NAALADL2: variants seen among roughly 807,000 people sequenced by gnomAD.
NAALADL2 encodes the protein inactive N-acetylated-alpha-linked acidic dipeptidase-like protein 2.
In NAALADL2, 76 loss-of-function variants were observed where a neutral mutation model predicts 87.2. That is an observed-to-expected ratio of 0.87 (90% CI 0.72 to 1.05). The LOEUF is 1.05. NAALADL2 is among the 50% of genes least tolerant of loss of function. NAALADL2 has a pLI of 0.00. For missense variants in NAALADL2, 1,089 were observed against 945.8 expected, an observed-to-expected ratio of 1.15 and a Z score of -1.99; for synonymous variants, 354 against 331.0, an observed-to-expected ratio of 1.07 and a Z score of -0.75.
At chr3:175,292,418 GT>G (rs769960835) in intron 4 of NAALADL2, among the ~76,000 whole-genome samples, 4 of 152,140 alleles carry the variant, frequency 2.6e-5, no homozygotes, top group Non-Finnish European at 5.9e-5. Context: ...AACTTGGTAT[GT>G]TTGTGTAGAA....
rs546018531 is a variant in NAALADL2, at chr3:174,757,961, G to T, written c.-9+20215G>T. On this transcript the variant is annotated intron_variant, in intron 3 of 3. Coordinates refer to the NAALADL2 transcript ENST00000434257. ...TACAGGAATAGTGAGTAAAATAGTTGATTTTAACTTTTGTTTTCCAGAAAT... is the reference window on the plus strand; with the variant it reads ...TACAGGAATAGTGAGTAAAATAGTTTATTTTAACTTTTGTTTTCCAGAAAT... Among the ~76,000 whole-genome samples the T allele has an allele frequency of 7.2e-5, 11 of 152,302 alleles. No homozygotes were observed. In the South Asian group the frequency reaches 2.1e-3, roughly 29 times the overall value.
chr3:175,204,751 A>G (rs190440113), intron 2 of NAALADL2, among the ~76,000 whole-genome samples: 47 of 152,284 alleles, frequency 3.1e-4, no homozygotes, highest in Non-Finnish European at 6.2e-4. Flanking sequence ...CAAATTTTCC[A>G]AATACAAGAT....
intron 12 of NAALADL2, 118 bp from the exon 13 acceptor site, chr3:175,755,101 AT>A (rs953723818): frequency 1.3e-6 from 1 of 775,960 alleles, no homozygotes. Flanking sequence ...GTCAATGACA[AT>A]TTCCTCTTCC....
At chr3:174,804,959 C>A (rs1042000001) in intron 3 of NAALADL2, among the ~76,000 whole-genome samples, 2 of 152,070 alleles carry the variant, frequency 1.3e-5, no homozygotes, top group African/African-American at 4.8e-5. Context: ...GCCATTTTGG[C>A]AAGTAGTTCA....
chr3:174,709,162 A>C (rs772268911), intron 2 of NAALADL2, among the ~76,000 whole-genome samples: 4 of 152,160 alleles, frequency 2.6e-5, no homozygotes, highest in Non-Finnish European at 4.4e-5. Flanking sequence ...CAGTGTGAAG[A>C]ACAAGGAATA....
intron 6 of NAALADL2, chr3:175,460,158 C>G (rs951851393): frequency 2.2e-6 from 1 of 456,464 alleles, no homozygotes; most frequent in Admixed American, 2.3e-5. Context: ...TTCAAATTAG[C>G]AATGCCAACA....
chr3:175,128,578 G>C (rs1248167425), intron 2 of NAALADL2, among the ~76,000 whole-genome samples: 1 of 152,012 alleles, frequency 6.6e-6, no homozygotes, highest in Non-Finnish European at 1.5e-5. Context: ...CTGCTGTATT[G>C]TTTCAGTTCA....
In NAALADL2 at chr3:175,700,749, C is replaced by A. The variant is rs1195379494; in HGVS notation, c.1897-36557C>A. ...TAAAGTCTGTTTTTCATCATCCTTT[C>A]TAAACTTACCCTGGTTTGTATTTTT... On this transcript the variant is annotated intron_variant, in intron 11 of 13. Transcript: ENST00000454872. 5.9e-5 allele frequency among the ~76,000 whole-genome samples: 9 copies of A among 152,070 alleles called. No individual in the cohort carries two copies. The East Asian group carries it at 1.5e-3, about 26-fold the overall frequency.
chr3:175,256,085 T>C (rs1749885419), intron 3 of NAALADL2, among the ~76,000 whole-genome samples: 2 of 152,214 alleles, frequency 1.3e-5, no homozygotes, highest in South Asian at 4.1e-4. Flanking sequence ...TTCAATGTTT[T>C]GTAAAATGGC....
intron 1 of NAALADL2, among the ~76,000 whole-genome samples, chr3:175,040,461 A>C (rs1753932962): frequency 6.6e-6 from 1 of 152,168 alleles, no homozygotes; most frequent in South Asian, 2.1e-4. Context: ...TGTGGTAGAA[A>C]ACTTACGGGG....
At chr3:174,927,847 A>G (rs1258389615) in intron 1 of NAALADL2, among the ~76,000 whole-genome samples, 2 of 152,210 alleles carry the variant, frequency 1.3e-5, no homozygotes, top group African/African-American at 4.8e-5. Flanking sequence ...AAGGCAGGAA[A>G]TAACTAAGAT....
At chr3:175,793,619 G>A (rs563126301) in intron 13 of NAALADL2, among the ~76,000 whole-genome samples, 1 of 151,828 alleles carries the variant, frequency 6.6e-6, no homozygotes, top group Non-Finnish European at 1.5e-5. Context: ...CTGGCCCAAA[G>A]CAGCATTTTC....
At chr3:175,628,765 T>C (rs1727357245) in intron 11 of NAALADL2, among the ~76,000 whole-genome samples, 1 of 150,458 alleles carries the variant, frequency 6.6e-6, no homozygotes, top group Admixed American at 6.7e-5. Context: ...AGAGGAAATA[T>C]GGTAAAGCGA....
chr3:175,388,106 C>A (rs1228709718), intron 5 of NAALADL2, among the ~76,000 whole-genome samples: 2 of 152,008 alleles, frequency 1.3e-5, no homozygotes, highest in African/African-American at 4.8e-5. Context: ...AAACTATGAT[C>A]TCCTATCCTC....
chr3:175,665,932 C>CA (rs1242089135), intron 11 of NAALADL2, among the ~76,000 whole-genome samples: 27 of 151,626 alleles, frequency 1.8e-4, no homozygotes, highest in African/African-American at 5.1e-4. Context: ...TCTGTCCCCC[C>CA]CCCAAAAAAA....
At chr3:175,477,109 CAT>C (rs1170645639) in intron 9 of NAALADL2, among the ~76,000 whole-genome samples, 1 of 152,028 alleles carries the variant, frequency 6.6e-6, no homozygotes, top group African/African-American at 2.4e-5. Flanking sequence ...AACACCAAAA[CAT>C]TGAGAGCTGT....
chr3:174,884,699 C>T lies in NAALADL2; in HGVS notation c.43+25249C>T, dbSNP rs77278489. ...CCATCAATTCAGCCTAATCCAACTCCGTATTTCTTCAACCATTATCCCACA... is the reference window on the plus strand; with the variant it reads ...CCATCAATTCAGCCTAATCCAACTCTGTATTTCTTCAACCATTATCCCACA... On this transcript the variant is annotated intron_variant, in intron 1 of 13. Transcript: ENST00000454872. 5.7e-3 allele frequency among the ~76,000 whole-genome samples: 861 copies of T among 152,254 alleles called. 9 individuals are homozygous for T. The highest frequency in any genetic ancestry group is 0.019 in the African/African-American group (803 of 41,558).
intron 1 of NAALADL2, among the ~76,000 whole-genome samples, chr3:175,086,090 G>A (rs1345606352): frequency 6.6e-6 from 1 of 152,304 alleles, no homozygotes; most frequent in East Asian, 1.9e-4. Flanking sequence ...AAAACAGCAG[G>A]TTAAGGATAA....
chr3:175,115,147 T>C (rs1301677690), intron 2 of NAALADL2: 1 of 151,634 alleles, frequency 6.6e-6, no homozygotes, highest in Non-Finnish European at 1.5e-5. Flanking sequence ...TTTTCAGAAA[T>C]AAATACATAT....
Sources: allele counts gnomAD v4.1 joint callset (sites outside exome capture counted in the v4.1 genomes callset), GRCh38; gene constraint gnomAD v4.1.1; transcripts MANE v1.5; gene names NCBI Gene and HGNC (gene_info 2026-07-23, HGNC 2026-07-21).